Variants in RBPJ observed in about 807,000 individuals in gnomAD.
The protein encoded by RBPJ is recombination signal binding protein for immunoglobulin kappa J region, also known as recombining binding protein suppressor of hairless.
In RBPJ, 9 loss-of-function variants were observed where a neutral mutation model predicts 67.8. That is an observed-to-expected ratio of 0.13 (90% CI 0.08 to 0.23). The LOEUF (loss-of-function observed/expected upper bound fraction) is 0.23, where lower values mean the gene tolerates loss of function less well. Ranked by LOEUF, RBPJ falls within the 10% of genes least tolerant of loss-of-function variation. The pLI is 1.00. For missense variants in RBPJ, 305 were observed against 595.6 expected (o/e 0.51, Z 5.08); for synonymous variants, 198 against 203.3 (o/e 0.97, Z 0.22).
At chr4:26,255,801 CAAAAAAAA>C (rs34958199) in intron 1 of RBPJ, among the ~76,000 whole-genome samples, 1 of 75,282 alleles carries the variant, frequency 1.3e-5, no homozygotes, top group Non-Finnish European at 3.1e-5. Context: ...GACTCCGTCT[CAAAAAAAA>C]AAAAAAAAAG....
chr4:26,179,632 G>A (rs938361739), intron 1 of RBPJ, among the ~76,000 whole-genome samples: 3 of 152,134 alleles, frequency 2.0e-5, no homozygotes, highest in Non-Finnish European at 4.4e-5. Context: ...TCTCATACCA[G>A]TCAGAATGGC....
At chr4:26,212,061 C>T (rs1210404508) in intron 1 of RBPJ, among the ~76,000 whole-genome samples, 6 of 152,158 alleles carry the variant, frequency 3.9e-5, no homozygotes, top group Admixed American at 3.9e-4. Flanking sequence ...AAGGAGCCAA[C>T]TCTGCTGATG....
chr4:26,414,539 G>A (rs547978623), intron 3 of RBPJ, among the ~76,000 whole-genome samples: 1 of 152,214 alleles, frequency 6.6e-6, no homozygotes, highest in South Asian at 2.1e-4. Flanking sequence ...TAGTTAATTC[G>A]AGTTTTCAGG....
At chr4:26,415,757 G>C in intron 4 of RBPJ, 117 bp downstream of exon 4, 3 of 1,019,788 alleles carry the variant, frequency 2.9e-6, no homozygotes, top group Non-Finnish European at 4.3e-6. Context: ...ACAATTTCTT[G>C]AATATATAAA....
intron 1 of RBPJ, among the ~76,000 whole-genome samples, chr4:26,185,917 G>C (rs888880607): frequency 6.6e-6 from 1 of 152,070 alleles, no homozygotes; most frequent in Non-Finnish European, 1.5e-5. Flanking sequence ...GTGGTGGCAC[G>C]TGCCTGTAAT....
chr4:26,293,327 G>C (rs936940729), intron 1 of RBPJ, among the ~76,000 whole-genome samples: 1 of 145,852 alleles, frequency 6.9e-6, no homozygotes, highest in Non-Finnish European at 1.5e-5. Flanking sequence ...TTTTTATTTT[G>C]TTTATTGCAA....
intron 1 of RBPJ, among the ~76,000 whole-genome samples, chr4:26,166,991 G>A (rs1043083702): frequency 1.3e-5 from 2 of 152,106 alleles, no homozygotes; most frequent in African/African-American, 4.8e-5. Flanking sequence ...CCCATTGCTT[G>A]TTTTTCTCAG....
At chr4:26,391,563 A>G (rs1303499263) in intron 2 of RBPJ, among the ~76,000 whole-genome samples, 1 of 152,242 alleles carries the variant, frequency 6.6e-6, no homozygotes, top group South Asian at 2.1e-4. Flanking sequence ...AGCTTTTAGA[A>G]GAAAACATAG....
chr4:26,363,627 C>T (rs1039800613), intron 1 of RBPJ, among the ~76,000 whole-genome samples: 1 of 152,056 alleles, frequency 6.6e-6, no homozygotes, highest in African/African-American at 2.4e-5. Context: ...TTAGTAGAGA[C>T]GGGTTGTCAC....
chr4:26,337,071 C>T (rs1014186227), intron 1 of RBPJ, among the ~76,000 whole-genome samples: 1 of 152,208 alleles, frequency 6.6e-6, no homozygotes, highest in East Asian at 1.9e-4. Flanking sequence ...AAGCGATTCT[C>T]CCGCCTCAGC....
At chr4:26,139,033 A>C in the RBPJ span, among the ~76,000 whole-genome samples, 4 of 152,208 alleles carry the variant, frequency 2.6e-5, no homozygotes, top group African/African-American at 9.6e-5. Context: ...CCAGCTCAGG[A>C]CAACCCAGGC....
At chr4:26,218,291 A>T (rs1361561674) in intron 1 of RBPJ, among the ~76,000 whole-genome samples, 2 of 152,172 alleles carry the variant, frequency 1.3e-5, no homozygotes, top group Non-Finnish European at 2.9e-5. Context: ...ATTCTCAGTG[A>T]TGTAACCAAG....
At chr4:26,329,971 T>C (rs1342917218) in intron 1 of RBPJ, among the ~76,000 whole-genome samples, 1 of 152,126 alleles carries the variant, frequency 6.6e-6, no homozygotes, top group Non-Finnish European at 1.5e-5. Context: ...CTTACCCCTT[T>C]TCTGAAGTGT....
chr4:26,116,062 G>A, the RBPJ span, among the ~76,000 whole-genome samples: 1 of 152,172 alleles, frequency 6.6e-6, no homozygotes, highest in Non-Finnish European at 1.5e-5. Flanking sequence ...AAGATTCCAA[G>A]TTTGCATCAT....
intron 1 of RBPJ, among the ~76,000 whole-genome samples, chr4:26,227,291 C>G (rs1361680335): frequency 6.6e-6 from 1 of 152,150 alleles, no homozygotes; most frequent in Non-Finnish European, 1.5e-5. Flanking sequence ...GTGAGTAAAA[C>G]CTGCTGTTTA....
chr4:26,335,808 A>G (rs1724765191), intron 1 of RBPJ, among the ~76,000 whole-genome samples: 1 of 151,190 alleles, frequency 6.6e-6, no homozygotes, highest in African/African-American at 2.4e-5. Flanking sequence ...TATTTTCAGT[A>G]GAGATGGGGT....
intron 1 of RBPJ, among the ~76,000 whole-genome samples, chr4:26,274,856 C>T (rs1440509549): frequency 6.6e-6 from 1 of 151,968 alleles, no homozygotes; most frequent in Non-Finnish European, 1.5e-5. Context: ...ATTGCTTGAA[C>T]CCAGGAGGCG....
At chr4:26,257,353 G>A (rs1047193029) in intron 1 of RBPJ, among the ~76,000 whole-genome samples, 2 of 152,232 alleles carry the variant, frequency 1.3e-5, no homozygotes, top group Non-Finnish European at 2.9e-5. Flanking sequence ...GGAGTCGCCG[G>A]GCACGGCGGC....
At chr4:26,109,579 C>CTCTCTCTATATATA in the RBPJ span, among the ~76,000 whole-genome samples, 5 of 29,392 alleles carry the variant, frequency 1.7e-4, 1 homozygote, top group African/African-American at 1.0e-3. Flanking sequence ...CTCTCTCTCT[C>CTCTCTCTATATATA]TATATATATA....
Sources: gnomAD v4.1 joint callset for allele counts (sites outside exome capture counted in the v4.1 genomes callset) on GRCh38, gnomAD v4.1.1 for gene constraint, MANE v1.5 for transcripts, NCBI Gene and HGNC (gene_info 2026-07-23, HGNC 2026-07-21) for gene names.